AUTS2: variants seen among roughly 807,000 people sequenced by gnomAD.
AUTS2 encodes autism susceptibility gene 2 protein.
In AUTS2, 17 loss-of-function variants were observed where a neutral mutation model predicts 112.4. The observed-to-expected ratio is 0.15, with a 90% CI of 0.10 to 0.23. The LOEUF is 0.23. Among genes scored for constraint, AUTS2 ranks in the 10% least tolerant of loss-of-function variants. The pLI is 1.00. For synonymous variants in AUTS2, 751 were observed against 702.7 expected (o/e 1.07, Z -1.09); for missense variants, 1,510 against 1,701.6 (o/e 0.89, Z 1.98).
chr7:69,702,069 A>G (rs1174127938), intron 1 of AUTS2, among the ~76,000 whole-genome samples: 3 of 152,248 alleles, frequency 2.0e-5, no homozygotes, highest in Admixed American at 2.0e-4. Flanking sequence ...TAATGAAAAC[A>G]TTGATGTGCT....
At chr7:69,971,027 A>G (rs1797826423) in intron 2 of AUTS2, among the ~76,000 whole-genome samples, 1 of 152,112 alleles carries the variant, frequency 6.6e-6, no homozygotes, top group Non-Finnish European at 1.5e-5. Flanking sequence ...AAAAATTAAA[A>G]AATTAGCTGG....
In AUTS2 at chr7:70,790,653, G is replaced by C. The variant is rs150926322; in HGVS notation, c.3437G>C (p.Gly1146Ala). 40 of 1,613,216 alleles carry C rather than the reference G, an allele frequency of 2.5e-5. No individual in the cohort carries two copies. Among genetic ancestry groups the C allele is most frequent in the South Asian group, 2.2e-4 (20 of 91,048 alleles). Residue 1146 changes from glycine to alanine, a missense_variant, in exon 19 of 19, where the codon GGA (glycine) becomes GCA (alanine). Gly to Ala is a moderately conservative substitution (Grantham distance 60, BLOSUM62 0). Coordinates refer to ENST00000342771, the MANE Select transcript of AUTS2 (RefSeq NM_015570.4). This position sits in a 1 kb window ranked among gnomAD's most constrained non-coding sequence, Gnocchi z 7.6. ...SVDPRREHER[G>A]GHLDERERLH... ...GACCCTCGGCGGGAGCACGAGCGGG[G>C]AGGCCACCTGGACGAGCGGGAGCGC... is the stretch of plus-strand genomic sequence containing the variant.
At chr7:70,558,986 A>AC (rs1801365932) in intron 5 of AUTS2, among the ~76,000 whole-genome samples, 1 of 152,192 alleles carries the variant, frequency 6.6e-6, no homozygotes, top group Non-Finnish European at 1.5e-5. Flanking sequence ...TTGAATTGTA[A>AC]TAATCCCCAT....
At chr7:69,825,159 C>T (rs1423675618) in intron 1 of AUTS2, among the ~76,000 whole-genome samples, 1 of 152,186 alleles carries the variant, frequency 6.6e-6, no homozygotes, top group Non-Finnish European at 1.5e-5. Context: ...AATGAGGCCA[C>T]ATGTCCTTTA....
intron 4 of AUTS2, among the ~76,000 whole-genome samples, chr7:70,347,727 A>G (rs1791557718): frequency 6.6e-6 from 1 of 152,114 alleles, no homozygotes; most frequent in Non-Finnish European, 1.5e-5. Context: ...GAAAAATACA[A>G]ATTGGATGTC....
intron 1 of AUTS2, among the ~76,000 whole-genome samples, chr7:69,780,601 C>G (rs536343668): frequency 1.2e-4 from 19 of 152,330 alleles, no homozygotes; most frequent in African/African-American, 4.6e-4. Context: ...TGACTGGTCA[C>G]TGTGTGCCTG....
At chr7:69,726,895 C>G (rs1472090864) in intron 1 of AUTS2, among the ~76,000 whole-genome samples, 1 of 152,010 alleles carries the variant, frequency 6.6e-6, no homozygotes, top group Non-Finnish European at 1.5e-5. Context: ...TTATAGGGCT[C>G]TTTATATACT....
chr7:70,528,301 A>C (rs563432231), intron 5 of AUTS2, among the ~76,000 whole-genome samples: 1 of 151,970 alleles, frequency 6.6e-6, no homozygotes, highest in South Asian at 2.1e-4. Context: ...ATAAAAAAAA[A>C]ACCCAGGTAA....
chr7:70,778,495 T>A lies in AUTS2; in HGVS notation c.2004+1321T>A, dbSNP rs551057538. Among the ~76,000 whole-genome samples, 7 of 151,866 alleles carry A rather than the reference T, an allele frequency of 4.6e-5. No individual in the cohort carries two copies. In the South Asian group the frequency reaches 1.5e-3, roughly 32 times the overall value. ...AAAACAACCCAAGTTCCAGTCACTC[T>A]AGAGGCTGAGGCAGGAGAACCCCTT... On this transcript the variant is annotated intron_variant, in intron 14 of 18. Coordinates refer to ENST00000342771, the MANE Select transcript of AUTS2 (RefSeq NM_015570.4).
intron 2 of AUTS2, among the ~76,000 whole-genome samples, chr7:70,027,946 A>T (rs1800595961): frequency 6.6e-6 from 1 of 152,146 alleles, no homozygotes; most frequent in Non-Finnish European, 1.5e-5. Flanking sequence ...TATTTCAGTA[A>T]GGCCTCATGT....
intron 4 of AUTS2, among the ~76,000 whole-genome samples, chr7:70,372,288 G>GT (rs1157113418): frequency 6.6e-6 from 1 of 152,206 alleles, no homozygotes; most frequent in Non-Finnish European, 1.5e-5. Context: ...CTTATAGAAG[G>GT]TTTAAAATGC....
chr7:70,717,794 T>C (rs528378578), intron 6 of AUTS2, among the ~76,000 whole-genome samples: 2 of 152,200 alleles, frequency 1.3e-5, no homozygotes, highest in African/African-American at 2.4e-5. Flanking sequence ...AGAGTATCAC[T>C]GTTAAGCCAC....
intron 2 of AUTS2, among the ~76,000 whole-genome samples, chr7:70,027,491 C>A (rs1474015980): frequency 6.6e-6 from 1 of 152,106 alleles, no homozygotes; most frequent in Non-Finnish European, 1.5e-5. Context: ...AAGTGTGGTC[C>A]CCAGACCAGC....
chr7:70,137,309 C>A (rs1204752578), intron 4 of AUTS2, among the ~76,000 whole-genome samples: 1 of 151,926 alleles, frequency 6.6e-6, no homozygotes, highest in African/African-American at 2.4e-5. Flanking sequence ...GTGTTATACA[C>A]ACAGAGAGAC....
chr7:69,988,176 T>C (rs1798590465), intron 2 of AUTS2, among the ~76,000 whole-genome samples: 1 of 152,200 alleles, frequency 6.6e-6, no homozygotes, highest in South Asian at 2.1e-4. Flanking sequence ...TTTTGTTCAC[T>C]CAGATTTAAA....
At chr7:70,133,508 A>G (rs1024252149) in intron 3 of AUTS2, among the ~76,000 whole-genome samples, 2 of 152,186 alleles carry the variant, frequency 1.3e-5, no homozygotes, top group African/African-American at 4.8e-5. Context: ...TGTAGGCAGA[A>G]GAGCTAGCAG....
intron 1 of AUTS2, among the ~76,000 whole-genome samples, chr7:69,879,041 G>A (rs1403053648): frequency 6.6e-6 from 1 of 152,040 alleles, no homozygotes; most frequent in African/African-American, 2.4e-5. Context: ...CTCTGATGCT[G>A]CTGCTTTATC....
chr7:69,913,797 G>A (rs946453946), intron 2 of AUTS2, among the ~76,000 whole-genome samples: 4 of 152,246 alleles, frequency 2.6e-5, no homozygotes, highest in African/African-American at 9.6e-5. Context: ...ATCCAGTGCT[G>A]TTTCTTCAGC....
At chr7:70,611,722 G>A (rs533969316) in intron 5 of AUTS2, among the ~76,000 whole-genome samples, 4 of 152,186 alleles carry the variant, frequency 2.6e-5, no homozygotes, top group Non-Finnish European at 4.4e-5. Context: ...CTTTACTGTG[G>A]ACTGTGGAAA....
Sources: gnomAD v4.1 joint callset for allele counts (sites outside exome capture counted in the v4.1 genomes callset) on GRCh38, gnomAD v4.1.1 for gene constraint, Gnocchi (gnomAD v3.1) non-coding constraint, MANE v1.5 for transcripts, NCBI Gene and HGNC (gene_info 2026-07-23, HGNC 2026-07-21) for gene names.